Variants in ODAD2 observed in about 807,000 individuals in gnomAD.
ODAD2 encodes outer dynein arm-docking complex subunit 2.
Under a neutral mutation model 106.8 loss-of-function variants are expected in ODAD2, and 89 were observed. The ratio of observed to expected loss-of-function variants is 0.83; its 90% CI spans 0.70 to 0.99. ODAD2 has a LOEUF of 0.99. Among genes scored for constraint, ODAD2 ranks in the 50% least tolerant of loss-of-function variants. The pLI, the probability that ODAD2 is intolerant of heterozygous loss-of-function variation, is 0.00. For missense variants in ODAD2, 1,168 were observed against 1,238.5 expected (o/e 0.94, Z 0.85); for synonymous variants, 404 against 436.2 (o/e 0.93, Z 0.92).
At chr10:27,961,398 G>A (rs1292727830) in intron 10 of ODAD2, among the ~76,000 whole-genome samples, 170 bp downstream of exon 10, 4 of 152,172 alleles carry the variant, frequency 2.6e-5, no homozygotes, top group Admixed American at 2.6e-4. Flanking sequence ...GATGAATCTT[G>A]CATCCTCAGG....
chr10:27,940,492 C>G (rs1846329270), intron 13 of ODAD2, 71 bp downstream of exon 13: 1 of 1,575,378 alleles, frequency 6.3e-7, no homozygotes, highest in Non-Finnish European at 8.7e-7. Context: ...ATCATGATAA[C>G]CTTAGAAACA....
At chr10:27,934,400 T>C (rs1845818354) in intron 16 of ODAD2, among the ~76,000 whole-genome samples, 1 of 150,260 alleles carries the variant, frequency 6.7e-6, no homozygotes, top group Admixed American at 6.7e-5. Flanking sequence ...AAGATATATG[T>C]CTTTATACAT....
intron 17 of ODAD2, among the ~76,000 whole-genome samples, chr10:27,901,856 A>C (rs1407025302): frequency 6.6e-6 from 1 of 152,220 alleles, no homozygotes; most frequent in Non-Finnish European, 1.5e-5. Context: ...CAACATAATA[A>C]TACTGGGAGA....
At chr10:27,953,721 A>G (rs1847526724) in intron 10 of ODAD2, among the ~76,000 whole-genome samples, 1 of 152,220 alleles carries the variant, frequency 6.6e-6, no homozygotes, top group African/African-American at 2.4e-5. Context: ...TATAAATTAT[A>G]TATGTATATA....
At position 27,981,414 on chromosome 10, in the gene ODAD2, G is replaced by T; in HGVS notation, c.936+52C>A. ...TGTTTTTCTTGTACCATAGAAAGTT[G>T]TAGTTTAGTAACATAATGCTATGAA... On this transcript the variant is annotated intron_variant, in intron 7 of 19. Transcript: ENST00000305242. 6 of 1,411,448 alleles carry T rather than the reference G, an allele frequency of 4.3e-6. No homozygotes were observed. In the South Asian group the frequency reaches 1.1e-4, roughly 25 times the overall value. The allele number at this position is 1,411,448 out of a possible 1,614,324, so 87.4% of individuals were successfully genotyped here.
intron 19 of ODAD2, among the ~76,000 whole-genome samples, chr10:27,849,241 T>C (rs1839053674): frequency 6.6e-6 from 1 of 152,184 alleles, no homozygotes; most frequent in Non-Finnish European, 1.5e-5. Context: ...GATGAGTTCA[T>C]GTCCTTTGTA....
rs747907044 is a variant in ODAD2, at chr10:27,945,002, GCA to G, written c.1387-42_1387-41del. 22 of 1,607,954 alleles carry G rather than the reference GCA, an allele frequency of 1.4e-5. No homozygotes were observed. In the East Asian group the frequency reaches 4.5e-4, roughly 33 times the overall value. On this transcript the variant is annotated intron_variant, in intron 10 of 19. Transcript: ENST00000305242. ...TGCCAGAGAAAGGTTAAGGAACACC[GCA>G]TTCCCATAGAAATGCACTAAGTAGT...
chr10:27,847,485 T>A (rs370994227), intron 19 of ODAD2, among the ~76,000 whole-genome samples: 1 of 151,224 alleles, frequency 6.6e-6, no homozygotes, highest in Non-Finnish European at 1.5e-5. Context: ...TGGGCAAAAA[T>A]GAAGCATTCC....
intron 16 of ODAD2, among the ~76,000 whole-genome samples, chr10:27,922,767 A>C (rs896172393): frequency 2.0e-5 from 3 of 151,992 alleles, no homozygotes; most frequent in African/African-American, 7.2e-5. Flanking sequence ...TTAGCTAGGC[A>C]TAGTGGTGCA....
chr10:27,873,713 C>T (rs1362456885), intron 17 of ODAD2, among the ~76,000 whole-genome samples: 2 of 152,168 alleles, frequency 1.3e-5, no homozygotes, highest in African/African-American at 4.8e-5. Context: ...GCACTGTGGT[C>T]TGAGAGACAG....
At position 27,968,975 on chromosome 10, in the gene ODAD2, T is replaced by C. The variant is rs1588631257; in HGVS notation, c.1186A>G (p.Lys396Glu). 2 of 657,994 alleles carry C rather than the reference T, an allele frequency of 3.0e-6. No individual in the cohort carries two copies. Among genetic ancestry groups the C allele is most frequent in the African/African-American group, 2.0e-5 (1 of 50,606 alleles). 40.8% of individuals were successfully genotyped at this position (657,994 alleles called of 1,614,324 possible). The change falls in exon 9 of 20, where the codon AAA becomes GAA. Residue 396 changes from lysine to glutamate, a missense_variant. Lys to Glu is a moderately conservative substitution (Grantham distance 56). This residue lies in a region of ODAD2 where 430 missense variants were observed against 452.2 expected (regional missense o/e 0.95). Coordinates refer to ENST00000305242, the MANE Select transcript of ODAD2 (RefSeq NM_018076.5). ...KEIQEDKHTG[K>E]LEKPRPSVSH... ...ACAGATGGTCTTGGTTTTTCAAGTTTTCCTGTGTGTTTGTCCTCTTGGATT... is the reference window on the plus strand; with the variant it reads ...ACAGATGGTCTTGGTTTTTCAAGTTCTCCTGTGTGTTTGTCCTCTTGGATT...
chr10:27,938,225 C>T (rs899023942), intron 14 of ODAD2, among the ~76,000 whole-genome samples: 28 of 152,152 alleles, frequency 1.8e-4, no homozygotes, highest in Non-Finnish European at 2.9e-4. Flanking sequence ...AGGCTTGAGC[C>T]ACCCAGTACC....
At chr10:27,983,776 C>T in intron 6 of ODAD2, 67 bp downstream of exon 6, 3 of 1,459,192 alleles carry the variant, frequency 2.1e-6, no homozygotes, top group Non-Finnish European at 2.8e-6. Flanking sequence ...GGGACACACC[C>T]TTGAGACATC....
At chr10:27,907,024 T>A (rs2133854073) in intron 17 of ODAD2, among the ~76,000 whole-genome samples, 1 of 151,916 alleles carries the variant, frequency 6.6e-6, no homozygotes, top group South Asian at 2.1e-4. Context: ...TAAAAAAAAA[T>A]TCAACAGGCA....
chr10:27,971,016 AAAC>A, intron 8 of ODAD2, 89 bp downstream of exon 8: 1 of 466,434 alleles, frequency 2.1e-6, no homozygotes. Flanking sequence ...ATAAACAAAC[AAAC>A]AAAATAAAAT....
At chr10:27,850,838 AC>A (rs951947759) in intron 19 of ODAD2, among the ~76,000 whole-genome samples, 2 of 152,218 alleles carry the variant, frequency 1.3e-5, no homozygotes, top group African/African-American at 4.8e-5. Context: ...CCTAAGATTG[AC>A]CCAGACTAAC....
At chr10:27,886,035 GA>G (rs1314478491) in intron 17 of ODAD2, among the ~76,000 whole-genome samples, 1 of 148,068 alleles carries the variant, frequency 6.8e-6, no homozygotes, top group African/African-American at 2.5e-5. Context: ...CAGGTCATTT[GA>G]AATTATCAAG....
chr10:27,946,845 C>T (rs1001324835), intron 10 of ODAD2, among the ~76,000 whole-genome samples: 8 of 152,144 alleles, frequency 5.3e-5, no homozygotes, highest in South Asian at 2.1e-4. Context: ...GATTACTAGA[C>T]GATCCCAAGT....
At chr10:27,880,014 G>T (rs979380594) in intron 17 of ODAD2, among the ~76,000 whole-genome samples, 3 of 152,150 alleles carry the variant, frequency 2.0e-5, no homozygotes, top group Admixed American at 1.3e-4. Flanking sequence ...GAGTGTAGCG[G>T]AATTCTTATC....
Sources: gnomAD v4.1 joint callset for allele counts (sites outside exome capture counted in the v4.1 genomes callset) on GRCh38, gnomAD v4.1.1 for gene constraint, gnomAD v4.1.1 regional missense constraint, MANE v1.5 for transcripts, NCBI Gene and HGNC (gene_info 2026-07-23, HGNC 2026-07-21) for gene names.